Variants in TSPEAR observed in about 807,000 individuals in gnomAD.
TSPEAR encodes the protein thrombospondin-type laminin G domain and EAR repeat-containing protein.
A neutral mutation model predicts 71.6 loss-of-function variants in TSPEAR; 69 were observed. The observed-to-expected ratio is 0.96, with a 90% CI of 0.79 to 1.18. TSPEAR has a LOEUF of 1.18. Ranked by LOEUF, TSPEAR falls within the 50% of genes most tolerant of loss-of-function variation. The probability of loss-of-function intolerance (pLI) is 0.00; values close to 1 mark genes in which losing one functional copy is unlikely to be tolerated. For missense variants in TSPEAR, 971 were observed against 894.9 expected (o/e 1.09, Z -1.09); for synonymous variants, 402 against 387.2 (o/e 1.04, Z -0.45).
chr21:44,676,793 C>A, intron 1 of TSPEAR: 1 of 897,062 alleles, frequency 1.1e-6, no homozygotes, highest in Non-Finnish European at 1.9e-6. Flanking sequence ...AATGCTTTTG[C>A]TACTACAGAG....
chr21:44,502,573 A>G (rs1428716897), intron 11 of TSPEAR, among the ~76,000 whole-genome samples: 3 of 152,246 alleles, frequency 2.0e-5, no homozygotes, highest in South Asian at 2.1e-4. Context: ...GAAAAATTAA[A>G]TATCAACAAC....
intron 8 of TSPEAR, among the ~76,000 whole-genome samples, chr21:44,523,308 T>A (rs587639663): frequency 5.3e-5 from 8 of 149,778 alleles, no homozygotes; most frequent in Admixed American, 2.0e-4. Context: ...TCAGTCAGTT[T>A]GTCAGTCAGT....
rs2052710710 is a variant in TSPEAR at position 44,520,386 on chromosome 21, A to G, written c.1566+1497T>C. Reference sequence around the variant, plus strand: ...GAAAGTGGGGAGGGTGCTCCCTGACATCTGCTCTCCTCGTGCCCTGAACAT... The same window carrying G: ...GAAAGTGGGGAGGGTGCTCCCTGACGTCTGCTCTCCTCGTGCCCTGAACAT... On this transcript the variant is annotated intron_variant, in intron 9 of 11. Coordinates refer to ENST00000323084, the MANE Select transcript of TSPEAR (RefSeq NM_144991.3). This position sits in a 1 kb window ranked among gnomAD's most constrained non-coding sequence, Gnocchi z 4.2. 1 of 151,854 alleles carries G rather than the reference A, an allele frequency of 6.6e-6. No homozygotes were observed. The highest frequency in any genetic ancestry group is 2.1e-4 in the South Asian group (1 of 4,824). The allele number at this position is 151,854 out of a possible 1,614,324, so 9.4% of individuals were successfully genotyped here.
chr21:44,530,490 T>A (rs1050695389), intron 4 of TSPEAR, among the ~76,000 whole-genome samples: 2 of 151,806 alleles, frequency 1.3e-5, no homozygotes, highest in Admixed American at 6.6e-5. Context: ...CATTCATCTT[T>A]CTCTCCATCT....
intron 2 of TSPEAR, among the ~76,000 whole-genome samples, chr21:44,554,209 G>A (rs983466776): frequency 2.6e-5 from 4 of 152,178 alleles, no homozygotes; most frequent in Admixed American, 2.0e-4. Flanking sequence ...AGAAGAAACC[G>A]TGGAGAGATT....
At chr21:44,499,988 C>T in intron 11 of TSPEAR, 52 bp from the exon 12 acceptor site, 2 of 1,533,694 alleles carry the variant, frequency 1.3e-6, no homozygotes, top group South Asian at 1.2e-5. Flanking sequence ...CGGGGCAGCT[C>T]CTCTCCCCCG....
intron 1 of TSPEAR, among the ~76,000 whole-genome samples, chr21:44,703,248 G>A (rs1237857651): frequency 1.3e-5 from 2 of 152,192 alleles, no homozygotes; most frequent in African/African-American, 4.8e-5. Flanking sequence ...GACGAGCCAC[G>A]TCATGGGAGC....
chr21:44,603,163 C>G (rs1981088291), intron 1 of TSPEAR, among the ~76,000 whole-genome samples: 1 of 152,154 alleles, frequency 6.6e-6, no homozygotes, highest in African/African-American at 2.4e-5. Flanking sequence ...GTGGTGGCCA[C>G]AGAGGCTGTG....
intron 1 of TSPEAR, chr21:44,677,852 G>A: frequency 7.6e-7 from 1 of 1,322,928 alleles, no homozygotes; most frequent in Non-Finnish European, 1.1e-6. Context: ...AGTAAGGTAT[G>A]GTTTTCTCTA....
intron 2 of TSPEAR, chr21:44,558,041 A>G (rs2053562893): frequency 1.9e-6 from 3 of 1,595,606 alleles, no homozygotes; most frequent in Non-Finnish European, 2.6e-6. Context: ...GAGAAACGGG[A>G]CCTGCCCGTC....
At chr21:44,638,453 C>T (rs55958156) in intron 1 of TSPEAR, 5,291 of 400,090 alleles carry the variant, frequency 0.013, 328 homozygotes, top group African/African-American at 0.1. Flanking sequence ...TGTCTCACAC[C>T]AACCTCTGTC....
chr21:44,582,030 A>C (rs782137851), intron 1 of TSPEAR, among the ~76,000 whole-genome samples: 1 of 151,950 alleles, frequency 6.6e-6, no homozygotes, highest in East Asian at 1.9e-4. Flanking sequence ...CCTTTCAGTG[A>C]TTATTAGTAG....
At chr21:44,525,507 CAGTG>C (rs1361028299) in intron 8 of TSPEAR, 142 bp downstream of exon 8, 5 of 876,472 alleles carry the variant, frequency 5.7e-6, no homozygotes, top group Non-Finnish European at 8.7e-6. Flanking sequence ...CTCCCCCAGA[CAGTG>C]AGGAACGGTC....
At chr21:44,517,599 C>G in intron 9 of TSPEAR, 1 of 373,580 alleles carries the variant, frequency 2.7e-6, no homozygotes, top group Admixed American at 3.2e-5. Flanking sequence ...TCAGGTCAGC[C>G]CCTTCCTGCT....
chr21:44,644,307 A>G (rs1984185041), intron 1 of TSPEAR, among the ~76,000 whole-genome samples: 1 of 152,186 alleles, frequency 6.6e-6, no homozygotes, highest in African/African-American at 2.4e-5. Flanking sequence ...GTGTGTCTGT[A>G]GTACATCCAC....
intron 1 of TSPEAR, chr21:44,654,148 A>AGGAGGCAGGCGGTC: frequency 1.4e-6 from 1 of 718,542 alleles, no homozygotes; most frequent in South Asian, 1.8e-5. Flanking sequence ...GGTGCCGCAA[A>AGGAGGCAGGCGGTC]GGAGGCAGGC....
At chr21:44,611,440 C>T (rs945947480) in intron 1 of TSPEAR, among the ~76,000 whole-genome samples, 1 of 152,126 alleles carries the variant, frequency 6.6e-6, no homozygotes, top group Non-Finnish European at 1.5e-5. Context: ...TGCCTGTCAG[C>T]TCCCACCAAG....
chr21:44,564,301 T>C (rs919686783), intron 2 of TSPEAR, among the ~76,000 whole-genome samples: 46 of 152,188 alleles, frequency 3.0e-4, no homozygotes, highest in African/African-American at 1.1e-3. Context: ...CAACATTAAA[T>C]GTAAATAGAT....
At chr21:44,620,332 C>A (rs1982363054) in intron 1 of TSPEAR, among the ~76,000 whole-genome samples, 1 of 152,192 alleles carries the variant, frequency 6.6e-6, no homozygotes, top group Non-Finnish European at 1.5e-5. Flanking sequence ...GGCTGAAATA[C>A]AAAGGCAGTC....
Sources: allele counts gnomAD v4.1 joint callset (sites outside exome capture counted in the v4.1 genomes callset), GRCh38; gene constraint gnomAD v4.1.1; non-coding constraint Gnocchi (gnomAD v3.1); transcripts MANE v1.5; gene names NCBI Gene and HGNC (gene_info 2026-07-23, HGNC 2026-07-21).